The following HERC1 variants were observed in gnomAD, a reference collection of about 807,000 sequenced individuals.
HERC1 encodes probable E3 ubiquitin-protein ligase HERC1.
HERC1 carries 160 observed loss-of-function variants against 554.3 expected under a neutral mutation model. That is an observed-to-expected ratio of 0.29 (90% confidence interval 0.25 to 0.33). HERC1 has a LOEUF of 0.33. HERC1 is among the 10% of genes least tolerant of loss of function. The pLI is 1.00. For synonymous variants in HERC1, 2,175 were observed against 2,131.7 expected (o/e 1.02, Z -0.56); for missense variants, 4,919 against 5,918.5 (o/e 0.83, Z 5.54).
chr15:63,787,960 C>CAAAAAAAAAAAAA (rs375499946), intron 1 of HERC1, among the ~76,000 whole-genome samples: 2 of 45,648 alleles, frequency 4.4e-5, no homozygotes, highest in South Asian at 7.0e-4. Flanking sequence ...GACCCTGTCT[C>CAAAAAAAAAAAAA]AAAAAAAAAA....
At position 63,651,249 on chromosome 15, in the gene HERC1, T is replaced by C; in HGVS notation, c.10546+4A>G. The C allele has an allele frequency of 6.2e-7, 1 of 1,613,670 alleles. No homozygotes were observed. Among genetic ancestry groups the C allele is most frequent in the South Asian group, 1.1e-5 (1 of 91,078 alleles). On this transcript the variant is annotated splice_donor_region_variant and intron_variant, in intron 53 of 77. Transcript: ENST00000443617. ...CAGTTTACTAGTGTTTACATGACTC[T>C]TACCATTAACTTGCCAGATATTCAC...
At chr15:63,795,640 A>G (rs1470837070) in intron 1 of HERC1, among the ~76,000 whole-genome samples, 1 of 152,194 alleles carries the variant, frequency 6.6e-6, no homozygotes, top group African/African-American at 2.4e-5. Context: ...TAGCACTTGA[A>G]CATAAATTTA....
At chr15:63,801,211 T>C (rs981011835) in intron 1 of HERC1, among the ~76,000 whole-genome samples, 3 of 152,176 alleles carry the variant, frequency 2.0e-5, no homozygotes, top group African/African-American at 7.2e-5. Context: ...AAATAGGATA[T>C]TTCCCGTGTT....
rs1423752478 is a variant in HERC1, at chr15:63,609,411, T to C, written c.14401-145A>G. The C allele has an allele frequency of 3.0e-5, 22 of 732,158 alleles. 1 individual carries two copies. Among genetic ancestry groups the C allele is most frequent in the South Asian group, 2.2e-4 (10 of 46,306 alleles). 45.4% of individuals were successfully genotyped at this position (732,158 alleles called of 1,614,324 possible). A position where few individuals can be genotyped will look rare whatever the true frequency, so the allele number is the denominator to read the frequency against. ...AAGTGGACACAGAGACTGGGCCAGA[T>C]AGAATGAGCTGAGGCCCTACTGCCC... On this transcript the variant is annotated intron_variant, in intron 77 of 77. Coordinates refer to ENST00000443617, the MANE Select transcript of HERC1 (RefSeq NM_003922.4).
intron 52 of HERC1, among the ~76,000 whole-genome samples, 175 bp downstream of exon 52, chr15:63,652,239 T>C (rs2069729572): frequency 6.6e-6 from 1 of 152,210 alleles, no homozygotes; most frequent in Non-Finnish European, 1.5e-5. Flanking sequence ...AAAATTATGT[T>C]TTCTGAATTG....
intron 1 of HERC1, 120 bp downstream of exon 1, chr15:63,833,680 AGCCCCGCTCGGCTGCAGTCCCGAAACG>A (rs1398368510): frequency 6.6e-6 from 1 of 151,974 alleles, no homozygotes; most frequent in Non-Finnish European, 1.5e-5. Flanking sequence ...GGACCCCAGC[AGCCCCGCTCGGCTGCAGTCCCGAAACG>A]GCCCCGGCCG....
chr15:63,671,373 T>TAAA (rs35097725), intron 39 of HERC1, among the ~76,000 whole-genome samples: 1 of 141,914 alleles, frequency 7.0e-6, no homozygotes, highest in Non-Finnish European at 1.5e-5. Flanking sequence ...AGCTGTCTCT[T>TAAA]AAAAAAAAAA....
chr15:63,806,612 C>G (rs2077147415), intron 1 of HERC1, among the ~76,000 whole-genome samples: 1 of 152,256 alleles, frequency 6.6e-6, no homozygotes, highest in Non-Finnish European at 1.5e-5. Context: ...AGCTTTCTCA[C>G]TGCAAGGGCT....
At chr15:63,744,158 GTGTGTGTCTCTC>G (rs1346823429) in intron 12 of HERC1, among the ~76,000 whole-genome samples, 14 of 42,340 alleles carry the variant, frequency 3.3e-4, no homozygotes, top group African/African-American at 5.9e-4. Flanking sequence ...GTGTGTGTGT[GTGTGTGTCTCTC>G]TCTCTCTCTC....
chr15:63,613,874 G>C (rs1281784086), intron 76 of HERC1, among the ~76,000 whole-genome samples: 6 of 152,120 alleles, frequency 3.9e-5, no homozygotes, highest in East Asian at 3.8e-4. Context: ...ATAAGGATCA[G>C]AGATTGGCAG....
chr15:63,683,346 G>C (rs1187698921), intron 34 of HERC1, among the ~76,000 whole-genome samples: 3 of 152,052 alleles, frequency 2.0e-5, no homozygotes, highest in African/African-American at 7.2e-5. Context: ...TATAACTGGT[G>C]GGTTTTTGCT....
rs1399353205 is a variant in HERC1, at chr15:63,749,225, A to G, written c.2219+142T>C. ...AAAGAAATCTAATGTCATTTCTATG[A>G]TAGAGAAAAAGCAATACTATATATG... On this transcript the variant is annotated intron_variant, in intron 10 of 77. Transcript: ENST00000443617. This position sits in a 1 kb window ranked among gnomAD's most constrained non-coding sequence, Gnocchi z 4.1. 1.6e-6 allele frequency: 1 copy of G among 613,898 alleles called. No individual in the cohort carries two copies. Among genetic ancestry groups the G allele is most frequent in the Non-Finnish European group, 2.7e-6 (1 of 373,660 alleles). 38.0% of individuals were successfully genotyped at this position (613,898 alleles called of 1,614,324 possible). A position where few individuals can be genotyped will look rare whatever the true frequency, so the allele number is the denominator to read the frequency against.
At chr15:63,796,963 C>G (rs2076833076) in intron 1 of HERC1, among the ~76,000 whole-genome samples, 1 of 152,148 alleles carries the variant, frequency 6.6e-6, no homozygotes, top group Admixed American at 6.5e-5. Flanking sequence ...TATTATGAGG[C>G]ATATCTGGCT....
intron 64 of HERC1, 46 bp downstream of exon 64, chr15:63,637,459 A>G (rs1248125616): frequency 3.3e-6 from 5 of 1,518,202 alleles, no homozygotes; most frequent in Non-Finnish European, 3.6e-6. Context: ...CCAAACCTAC[A>G]TTAGGCCTTA....
intron 1 of HERC1, among the ~76,000 whole-genome samples, chr15:63,792,103 C>T (rs566003246): frequency 6.6e-6 from 1 of 152,214 alleles, no homozygotes; most frequent in Admixed American, 6.5e-5. Flanking sequence ...CAATATTCTC[C>T]AACCTTAATG....
chr15:63,795,002 G>A (rs1157063426), intron 1 of HERC1, among the ~76,000 whole-genome samples: 1 of 141,962 alleles, frequency 7.0e-6, no homozygotes, highest in East Asian at 2.0e-4. Flanking sequence ...GGAGGCGGGG[G>A]TTGCAGTTAG....
In HERC1 at chr15:63,659,876, T is replaced by C. The variant is rs765137379; in HGVS notation, c.9284A>G (p.Glu3095Gly). The change falls in exon 47 of 78, where the codon GAA becomes GGA. Residue 3095 changes from glutamate (E) to glycine (G), a missense_variant. Physicochemically the swap from Glu to Gly is moderately conservative, Grantham distance 98 (BLOSUM62 -2). This residue lies in a region of HERC1 where 1,963 missense variants were observed against 2,228.6 expected (regional missense o/e 0.88). Coordinates refer to ENST00000443617, the MANE Select transcript of HERC1 (RefSeq NM_003922.4). ...DEKLTGEEEF[E>G]LLAGPLGLND... Reference sequence around the variant, plus strand: ...TAAACCAAGCGGTCCAGCAAGTAATTCAAATTCTTCTTCACCAGTTAGCTT... The same window carrying C: ...TAAACCAAGCGGTCCAGCAAGTAATCCAAATTCTTCTTCACCAGTTAGCTT... 1.2e-6 allele frequency: 2 copies of C among 1,613,836 alleles called. No homozygotes were observed. Among genetic ancestry groups the C allele is most frequent in the South Asian group, 1.1e-5 (1 of 91,052 alleles).
chr15:63,764,073 CA>C, intron 3 of HERC1, 22 bp downstream of exon 3: 1 of 1,512,612 alleles, frequency 6.6e-7, no homozygotes, highest in Admixed American at 1.8e-5. Flanking sequence ...GTTGTTAATA[CA>C]AAAGCCACGA....
At chr15:63,657,263 T>TG (rs1227618999) in intron 48 of HERC1, among the ~76,000 whole-genome samples, 1 of 149,430 alleles carries the variant, frequency 6.7e-6, no homozygotes. Context: ...GTCTTAGGTT[T>TG]TTTTTTTTTT....
Sources: allele counts gnomAD v4.1 joint callset (sites outside exome capture counted in the v4.1 genomes callset), GRCh38; gene constraint gnomAD v4.1.1; regional missense constraint gnomAD v4.1.1; non-coding constraint Gnocchi (gnomAD v3.1); transcripts MANE v1.5; gene names NCBI Gene and HGNC (gene_info 2026-07-23, HGNC 2026-07-21).